Variants in TANC2 observed in about 807,000 individuals in gnomAD.
The protein encoded by TANC2 is protein TANC2.
Under a neutral mutation model 210.5 loss-of-function variants are expected in TANC2, and 26 were observed. The ratio of observed to expected loss-of-function variants is 0.12; its 90% CI spans 0.09 to 0.17. TANC2 has a LOEUF of 0.17. Ranked by LOEUF, TANC2 falls within the 10% of genes least tolerant of loss-of-function variation. The pLI, the probability that TANC2 is intolerant of heterozygous loss-of-function variation, is 1.00. For synonymous variants in TANC2, 931 were observed against 967.1 expected (o/e 0.96, Z 0.69); for missense variants, 2,129 against 2,608.9 (o/e 0.82, Z 4.01).
intron 4 of TANC2, among the ~76,000 whole-genome samples, chr17:63,099,785 AT>A (rs943629007): frequency 1.1e-4 from 16 of 152,190 alleles, no homozygotes; most frequent in South Asian, 6.2e-4. Flanking sequence ...TATTTTATAT[AT>A]TTTTTTAAAA....
intron 1 of TANC2, among the ~76,000 whole-genome samples, chr17:62,989,703 G>A (rs1211055587): frequency 6.6e-6 from 1 of 151,564 alleles, no homozygotes; most frequent in African/African-American, 2.4e-5. Flanking sequence ...GGTCATTGAT[G>A]GAGCTAATCC....
At position 63,090,557 on chromosome 17, in the gene TANC2, A is replaced by G. The variant is rs564691922; in HGVS notation, c.140-8618A>G. 2.6e-5 allele frequency among the ~76,000 whole-genome samples: 4 copies of G among 152,306 alleles called. No homozygotes were observed. The South Asian group carries it at 8.3e-4, about 32-fold the overall frequency. On this transcript the variant is annotated intron_variant, in intron 3 of 27. Coordinates refer to ENST00000689528, the Ensembl canonical transcript of TANC2. Reference sequence around the variant, plus strand: ...CGAACTCATCCTTTTTCATGGCTGCATAGTATTCCCTGGTGTATATGTGCC... The same window carrying G: ...CGAACTCATCCTTTTTCATGGCTGCGTAGTATTCCCTGGTGTATATGTGCC...
chr17:63,306,261 A>G (rs559779990), intron 9 of TANC2, among the ~76,000 whole-genome samples: 1 of 152,348 alleles, frequency 6.6e-6, no homozygotes, highest in South Asian at 2.1e-4. Flanking sequence ...ACAGACTGGG[A>G]TTGCTTGGTT....
chr17:63,221,430 GAGACTCCATCTCAAAAAAAAAA>G (rs2042186740), intron 7 of TANC2, among the ~76,000 whole-genome samples: 3 of 122,830 alleles, frequency 2.4e-5, no homozygotes, highest in Non-Finnish European at 4.8e-5. Context: ...GCAACAGAGT[GAGACTCCATCTCAAAAAAAAAA>G]AAAAAAAAGA....
chr17:63,388,794 T>C, intron 16 of TANC2, 37 bp downstream of exon 16: 1 of 1,434,518 alleles, frequency 7.0e-7, no homozygotes, highest in Non-Finnish European at 9.3e-7. Flanking sequence ...TGATAAGGAA[T>C]TAACTATGAA....
At chr17:63,128,511 CAAAAA>C (rs1458468713) in intron 4 of TANC2, among the ~76,000 whole-genome samples, 1 of 151,980 alleles carries the variant, frequency 6.6e-6, no homozygotes, top group South Asian at 2.1e-4. Context: ...GCAGTTTACA[CAAAAA>C]AGAAAAGTTG....
chr17:63,287,686 A>AT lies in TANC2; in HGVS notation c.1159+19827dup, dbSNP rs113218272. ...GTATTCTACTGAATGTCCTGTATATATTTTTTTTTTTTTTGAGGAGTCTCT... is the reference window on the plus strand; with the variant it reads ...GTATTCTACTGAATGTCCTGTATATATTTTTTTTTTTTTTTGAGGAGTCTCT... On this transcript the variant is annotated intron_variant, in intron 9 of 27. Coordinates refer to ENST00000689528, the Ensembl canonical transcript of TANC2. Among the ~76,000 whole-genome samples the AT allele has an allele frequency of 4.7e-3, 685 of 145,188 alleles. 16 individuals are homozygous for AT. In the East Asian group the frequency reaches 0.095, roughly 20 times the overall value.
At chr17:63,282,557 A>G (rs1415498007) in intron 9 of TANC2, among the ~76,000 whole-genome samples, 3 of 152,260 alleles carry the variant, frequency 2.0e-5, no homozygotes, top group African/African-American at 7.2e-5. Flanking sequence ...ATTTAAGAGT[A>G]GGTGGCTAGA....
At chr17:63,024,605 G>C (rs150506651) in intron 2 of TANC2, among the ~76,000 whole-genome samples, 2 of 152,028 alleles carry the variant, frequency 1.3e-5, no homozygotes, top group Non-Finnish European at 2.9e-5. Flanking sequence ...AGTAGGTCTC[G>C]GCCTTATTTT....
chr17:63,411,810 T>C, intron 22 of TANC2, 124 bp downstream of exon 22: 1 of 1,415,156 alleles, frequency 7.1e-7, no homozygotes, highest in Non-Finnish European at 9.5e-7. Context: ...AGATCTATAC[T>C]TGCTAGAGAG....
At chr17:63,413,325 T>A in intron 24 of TANC2, 1 of 445,154 alleles carries the variant, frequency 2.2e-6, no homozygotes, top group Non-Finnish European at 4.0e-6. Flanking sequence ...CAGGCTCACA[T>A]GGTTCAAGTA....
At chr17:63,002,007 C>T (rs1310611478) in intron 1 of TANC2, among the ~76,000 whole-genome samples, 1 of 152,132 alleles carries the variant, frequency 6.6e-6, no homozygotes, top group Non-Finnish European at 1.5e-5. Context: ...TCTTCTCTTC[C>T]CTCCTGGAGC....
chr17:63,016,229 A>G (rs2034101350), intron 2 of TANC2, among the ~76,000 whole-genome samples: 1 of 152,230 alleles, frequency 6.6e-6, no homozygotes, highest in Non-Finnish European at 1.5e-5. Flanking sequence ...AAAAAATTTT[A>G]AACCACATTA....
chr17:63,334,866 CCAG>C (rs1356352741), intron 11 of TANC2, among the ~76,000 whole-genome samples: 2 of 152,164 alleles, frequency 1.3e-5, no homozygotes, highest in Non-Finnish European at 2.9e-5. Context: ...TGGCATGTGT[CCAG>C]CTTCTGAGGA....
chr17:63,076,405 A>G (rs890218780), intron 3 of TANC2, among the ~76,000 whole-genome samples: 2 of 152,046 alleles, frequency 1.3e-5, no homozygotes, highest in African/African-American at 4.8e-5. Context: ...GGAGGTTGGA[A>G]AAAAAAAGTC....
intron 8 of TANC2, among the ~76,000 whole-genome samples, chr17:63,248,194 TA>T (rs908488999): frequency 7.4e-4 from 112 of 152,214 alleles, no homozygotes; most frequent in Middle Eastern, 3.4e-3. Flanking sequence ...TAGATACACA[TA>T]CTTTCCTTTC....
chr17:63,074,780 G>A (rs900409090), intron 3 of TANC2, among the ~76,000 whole-genome samples: 6 of 152,150 alleles, frequency 3.9e-5, no homozygotes, highest in Non-Finnish European at 8.8e-5. Context: ...TGATCTGAAA[G>A]AGAATGAGTT....
At chr17:63,323,245 T>C (rs1395976470) in intron 11 of TANC2, among the ~76,000 whole-genome samples, 1 of 152,268 alleles carries the variant, frequency 6.6e-6, no homozygotes, top group African/African-American at 2.4e-5. Context: ...TGACATATTC[T>C]TGGTGTCATT....
chr17:63,350,478 A>T (rs2046565461), intron 12 of TANC2, among the ~76,000 whole-genome samples: 2 of 152,204 alleles, frequency 1.3e-5, no homozygotes. Flanking sequence ...AAATTTTCCC[A>T]AGCTGCTTCG....
Sources: allele counts gnomAD v4.1 joint callset (sites outside exome capture counted in the v4.1 genomes callset), GRCh38; gene constraint gnomAD v4.1.1; transcripts MANE v1.5; gene names NCBI Gene and HGNC (gene_info 2026-07-23, HGNC 2026-07-21).